The following SLC6A18 variants were observed in gnomAD, a reference collection of about 807,000 sequenced individuals.
The protein encoded by SLC6A18 is solute carrier family 6 member 18.
SLC6A18 carries 58 observed loss-of-function variants against 62.9 expected under a neutral mutation model. The ratio of observed to expected loss-of-function variants is 0.92; its 90% CI spans 0.75 to 1.15. The LOEUF (loss-of-function observed/expected upper bound fraction) is 1.15. Among genes scored for constraint, SLC6A18 ranks in the 50% most tolerant of loss-of-function variants. SLC6A18 has a pLI of 0.00. For missense variants in SLC6A18, 793 were observed against 836.6 expected (o/e 0.95, Z 0.64); for synonymous variants, 382 against 365.8 (o/e 1.04, Z -0.51).
chr5:1,230,032 A>AT (rs534545825), intron 1 of SLC6A18, among the ~76,000 whole-genome samples: 1 of 120,278 alleles, frequency 8.3e-6, no homozygotes, highest in African/African-American at 3.4e-5. Flanking sequence ...AAGAGCTCTC[A>AT]GGTGCAGGCT....
intron 5 of SLC6A18, 40 bp downstream of exon 5, chr5:1,238,100 A>T: frequency 6.7e-7 from 1 of 1,496,676 alleles, no homozygotes; most frequent in Non-Finnish European, 9.3e-7. Flanking sequence ...CCTCCAGCAC[A>T]CACATTTCAG....
In SLC6A18 at chr5:1,241,164, C is replaced by T. The variant is rs1374468625; in HGVS notation, c.974+505C>T. 6.6e-6 allele frequency among the ~76,000 whole-genome samples: 1 copy of T among 152,168 alleles called. No individual in the cohort carries two copies. The highest frequency in any genetic ancestry group is 1.5e-5 in the Non-Finnish European group (1 of 68,028). The stretch of plus-strand genomic sequence containing the variant: ...TTGAGGCACCATTGCTGGTCGTTTG[C>T]TGCGGTGGTCCCAGGACCTGATGCA... On this transcript the variant is annotated intron_variant, in intron 7 of 11. Coordinates refer to ENST00000324642, the MANE Select transcript of SLC6A18 (RefSeq NM_182632.3). This position sits in a 1 kb window ranked among gnomAD's most constrained non-coding sequence, Gnocchi z 7.8.
chr5:1,241,338 C>CA lies in SLC6A18; in HGVS notation c.974+680dup, dbSNP rs1375222881. On this transcript the variant is annotated intron_variant, in intron 7 of 11. Coordinates refer to ENST00000324642, the MANE Select transcript of SLC6A18 (RefSeq NM_182632.3). This position sits in a 1 kb window ranked among gnomAD's most constrained non-coding sequence, Gnocchi z 7.8. ...CTGCAACATGGGGTGACTCTGACCC[C>CA]ACCAGGGTACATCTGGCAGTATATG... is the stretch of plus-strand genomic sequence containing the variant. Among the ~76,000 whole-genome samples, 2 of 152,218 alleles carry CA rather than the reference C, an allele frequency of 1.3e-5. No individual in the cohort carries two copies. Among genetic ancestry groups the CA allele is most frequent in the Non-Finnish European group, 2.9e-5 (2 of 68,038 alleles).
At chr5:1,237,913 C>T (rs766249335) in intron 4 of SLC6A18, 37 bp from the exon 5 acceptor site, 77 of 1,515,372 alleles carry the variant, frequency 5.1e-5, no homozygotes, top group Non-Finnish European at 7.0e-5. Flanking sequence ...AGACCAGAGG[C>T]CATTTCAAGT....
Position 1,232,179 on chromosome 5 carries a change from C to G in SLC6A18, c.161-40C>G, listed in dbSNP as rs374900485. 23 of 1,588,812 alleles carry G rather than the reference C, an allele frequency of 1.4e-5. No individual in the cohort carries two copies. In the South Asian group the frequency reaches 2.0e-4, roughly 14 times the overall value. ...GGCCCACGCCACAGTCCCCCCCAGC[C>G]CCCGACCCTGGGCAGGTGCTGACCA... is the stretch of plus-strand genomic sequence containing the variant. On this transcript the variant is annotated intron_variant, in intron 1 of 11. Transcript: ENST00000324642.
intron 3 of SLC6A18, among the ~76,000 whole-genome samples, chr5:1,233,949 G>A (rs1463428466): frequency 1.3e-5 from 2 of 152,072 alleles, no homozygotes; most frequent in African/African-American, 4.8e-5. Context: ...CACCATGTTA[G>A]CCAGGATGGT....
At chr5:1,239,687 C>A in intron 6 of SLC6A18, 125 bp downstream of exon 6, 1 of 729,402 alleles carries the variant, frequency 1.4e-6, no homozygotes, top group Non-Finnish European at 2.3e-6. Flanking sequence ...AAGAACCTCA[C>A]GCCACAGTCT....
In SLC6A18 at chr5:1,235,679, C is replaced by T. The variant is rs1170850183; in HGVS notation, c.621+17C>T. 62 of 1,613,068 alleles carry T rather than the reference C, an allele frequency of 3.8e-5. No homozygotes were observed. The East Asian group carries it at 1.2e-3, about 32-fold the overall frequency. On this transcript the variant is annotated intron_variant, in intron 4 of 11. Transcript: ENST00000324642. Reference sequence around the variant, plus strand: ...ACAGGGAAGGTGAGAGCTGGCAGGGCCTGATCCCCTCTCTTGCTTCCTCCA... The same window carrying T: ...ACAGGGAAGGTGAGAGCTGGCAGGGTCTGATCCCCTCTCTTGCTTCCTCCA...
chr5:1,231,168 G>A (rs989079803), intron 1 of SLC6A18, among the ~76,000 whole-genome samples: 9 of 152,168 alleles, frequency 5.9e-5, no homozygotes, highest in Admixed American at 1.3e-4. Context: ...AGCCCTGCTC[G>A]CATCCTCAGC....
chr5:1,229,748 C>T (rs139911309), intron 1 of SLC6A18, among the ~76,000 whole-genome samples: 1 of 137,948 alleles, frequency 7.2e-6, no homozygotes, highest in Non-Finnish European at 1.6e-5. Flanking sequence ...GGCTGGAGGT[C>T]GGGGGGAAGA....
In SLC6A18 at chr5:1,243,568, C is replaced by CG. The variant is rs757641266; in HGVS notation, c.1148dup (p.Leu384ProfsTer54). Reference sequence around the variant, plus strand: ...CGTGTATTGCAGAGTGCCTCGGGCCCGGGCCTGGCCTTCGTCGTCTTCACG... The same window carrying CG: ...CGTGTATTGCAGAGTGCCTCGGGCCCGGGGCCTGGCCTTCGTCGTCTTCACG... On this transcript the variant is annotated frameshift_variant, in exon 9 of 12. Coordinates refer to ENST00000324642, the MANE Select transcript of SLC6A18 (RefSeq NM_182632.3). LOFTEE classifies it high-confidence loss of function. This position sits in a 1 kb window ranked among gnomAD's most constrained non-coding sequence, Gnocchi z 6.5. 52 of 1,613,404 alleles carry CG rather than the reference C, an allele frequency of 3.2e-5. 2 individuals carry two copies. Among genetic ancestry groups the CG allele is most frequent in the Non-Finnish European group, 2.5e-6 (3 of 1,179,970 alleles).
intron 3 of SLC6A18, among the ~76,000 whole-genome samples, chr5:1,234,440 G>A (rs1191689108): frequency 6.6e-6 from 1 of 152,316 alleles, no homozygotes; most frequent in East Asian, 1.9e-4. Context: ...CACTCCAGAA[G>A]CGGCCCCAGT....
In SLC6A18 at chr5:1,239,467, C is replaced by A; in HGVS notation, c.750C>A (p.Asn250Lys). 1 of 1,613,548 alleles carries A rather than the reference C, an allele frequency of 6.2e-7. No individual in the cohort carries two copies. Among genetic ancestry groups the A allele is most frequent in the Non-Finnish European group, 8.5e-7 (1 of 1,179,486 alleles). The stretch of plus-strand genomic sequence containing the variant: ...CATTCCAGATGCACATTCTCCAGAA[C>A]CCCCGGGTGTGGCTGGACGCAGCCA... ...LFTPNMHILQ[N>K]PRVWLDAATQ... The change falls in exon 6 of 12, where the codon AAC becomes AAA. Residue 250 changes from asparagine (N) to lysine (K), a missense_variant. Asn to Lys is a moderately conservative substitution (Grantham distance 94, BLOSUM62 0). Transcript: ENST00000324642.
intron 11 of SLC6A18, 83 bp from the exon 12 acceptor site, chr5:1,245,765 T>C: frequency 1.4e-6 from 2 of 1,410,034 alleles, no homozygotes. Context: ...CAGGTGGCTC[T>C]TGCCCCTTGG....
intron 6 of SLC6A18, among the ~76,000 whole-genome samples, chr5:1,240,194 G>A (rs1010386201): frequency 1.2e-4 from 18 of 152,260 alleles, no homozygotes; most frequent in Non-Finnish European, 2.2e-4. Context: ...ACTTGTGTGC[G>A]TTTCTCCTTT....
chr5:1,239,752 GGAT>G (rs1343493286), intron 6 of SLC6A18, among the ~76,000 whole-genome samples, 190 bp downstream of exon 6: 1 of 152,184 alleles, frequency 6.6e-6, no homozygotes, highest in Non-Finnish European at 1.5e-5. Context: ...AAGACAGCCT[GGAT>G]AATCACACCC....
At chr5:1,227,162 T>C (rs1209537539) in intron 1 of SLC6A18, among the ~76,000 whole-genome samples, 3 of 136,596 alleles carry the variant, frequency 2.2e-5, no homozygotes, top group East Asian at 2.0e-4. Context: ...TGCCCGCCGA[T>C]GCCTTGCCCG....
At chr5:1,233,896 CAG>C (rs1561176631) in intron 3 of SLC6A18, among the ~76,000 whole-genome samples, 4 of 152,080 alleles carry the variant, frequency 2.6e-5, no homozygotes, top group Non-Finnish European at 4.4e-5. Context: ...CGCCTGCCAC[CAG>C]GCCTGGCTAA....
intron 3 of SLC6A18, among the ~76,000 whole-genome samples, chr5:1,234,034 C>T (rs1486560061): frequency 1.3e-5 from 2 of 152,126 alleles, no homozygotes; most frequent in East Asian, 1.9e-4. Flanking sequence ...AGCCACCGCG[C>T]CCGGCCAGCA....
Sources: gnomAD v4.1 joint callset for allele counts (sites outside exome capture counted in the v4.1 genomes callset) on GRCh38, gnomAD v4.1.1 for gene constraint, Gnocchi (gnomAD v3.1) non-coding constraint, MANE v1.5 for transcripts, NCBI Gene and HGNC (gene_info 2026-07-23, HGNC 2026-07-21) for gene names.